GABRG1: variants seen among roughly 807,000 people sequenced by gnomAD.
The protein encoded by GABRG1 is gamma-aminobutyric acid receptor subunit gamma-1.
GABRG1 carries 49 observed loss-of-function variants against 49.8 expected under a neutral mutation model. That is an observed-to-expected ratio of 0.98 (90% CI 0.78 to 1.25). The LOEUF is 1.25. GABRG1 is among the 50% of genes most tolerant of loss of function. The pLI, the probability that GABRG1 is intolerant of heterozygous loss-of-function variation, is 0.00. For missense variants in GABRG1, 552 were observed against 552.3 expected, an observed-to-expected ratio of 1.00 and a Z score of 0.01; for synonymous variants, 232 against 185.1, an observed-to-expected ratio of 1.25 and a Z score of -2.06.
intron 5 of GABRG1, among the ~76,000 whole-genome samples, chr4:46,063,270 A>G (rs1481693204): frequency 1.3e-5 from 2 of 152,008 alleles, no homozygotes. Flanking sequence ...TTCAAACTAT[A>G]CTACAAGGCT....
chr4:46,051,703 T>C, intron 7 of GABRG1, 65 bp from the exon 8 acceptor site: 1 of 1,000,200 alleles, frequency 1.0e-6, no homozygotes, highest in Middle Eastern at 3.1e-4. Context: ...TTCCATCTGA[T>C]TTGGCAATAT....
chr4:46,045,820 C>T (rs1717973711), intron 8 of GABRG1, among the ~76,000 whole-genome samples: 1 of 151,968 alleles, frequency 6.6e-6, no homozygotes, highest in Non-Finnish European at 1.5e-5. Context: ...CCACCTTGGC[C>T]TCCCAAAGTG....
Position 46,111,470 on chromosome 4 carries a change from T to A in GABRG1, c.104+12340A>T, listed in dbSNP as rs12508986. ...TCCTATTAAGCTAACAAAAGAGTTT[T>A]CCATAGAACTAGGAAAAACTATTCT... On this transcript the variant is annotated intron_variant, in intron 1 of 8. Coordinates refer to ENST00000295452, the MANE Select transcript of GABRG1 (RefSeq NM_173536.4). Among the ~76,000 whole-genome samples, 726 of 151,306 alleles carry A rather than the reference T, an allele frequency of 4.8e-3. 2 individuals are homozygous for A. The highest frequency in any genetic ancestry group is 7.4e-3 in the Non-Finnish European group (500 of 67,502).
At chr4:46,118,185 C>T (rs1433949797) in intron 1 of GABRG1, among the ~76,000 whole-genome samples, 1 of 145,094 alleles carries the variant, frequency 6.9e-6, no homozygotes, top group Admixed American at 7.0e-5. Context: ...ATCCTCAACC[C>T]CCTAACAGAA....
chr4:46,114,137 A>G (rs1188265436), intron 1 of GABRG1, among the ~76,000 whole-genome samples: 1 of 151,024 alleles, frequency 6.6e-6, no homozygotes, highest in African/African-American at 2.4e-5. Context: ...GCTCTGAATA[A>G]TTTTTCACTG....
chr4:46,121,969 T>C (rs1244613640), intron 1 of GABRG1, among the ~76,000 whole-genome samples: 4 of 152,068 alleles, frequency 2.6e-5, no homozygotes, highest in Non-Finnish European at 4.4e-5. Context: ...GAAGCAACCA[T>C]TGACTTATTT....
intron 1 of GABRG1, among the ~76,000 whole-genome samples, chr4:46,118,186 C>A (rs1720989177): frequency 6.9e-6 from 1 of 144,924 alleles, no homozygotes; most frequent in South Asian, 2.1e-4. Context: ...TCCTCAACCC[C>A]CTAACAGAAC....
At chr4:46,123,141 CACAG>C (rs970280186) in intron 1 of GABRG1, among the ~76,000 whole-genome samples, 21 of 142,936 alleles carry the variant, frequency 1.5e-4, no homozygotes, top group East Asian at 6.2e-4. Flanking sequence ...CACACACACA[CACAG>C]AGCCAAGACA....
chr4:46,052,179 A>G (rs1718249781), intron 7 of GABRG1, among the ~76,000 whole-genome samples: 1 of 151,770 alleles, frequency 6.6e-6, no homozygotes, highest in Non-Finnish European at 1.5e-5. Context: ...GGAGAAAGCC[A>G]GAAGGAGACT....
intron 1 of GABRG1, among the ~76,000 whole-genome samples, chr4:46,104,883 T>G (rs952031635): frequency 4.0e-5 from 6 of 151,356 alleles, no homozygotes; most frequent in Non-Finnish European, 7.4e-5. Context: ...TAATGTGGGA[T>G]TTGTACAAAT....
At chr4:46,104,153 T>C (rs1339889799) in intron 1 of GABRG1, among the ~76,000 whole-genome samples, 1 of 151,440 alleles carries the variant, frequency 6.6e-6, no homozygotes, top group Non-Finnish European at 1.5e-5. Flanking sequence ...ACATGTGAAA[T>C]GATTATGATG....
chr4:46,082,620 G>C (rs904946889), intron 3 of GABRG1, among the ~76,000 whole-genome samples: 8 of 151,738 alleles, frequency 5.3e-5, no homozygotes. Context: ...TCCTAACAAA[G>C]CTAATCAACA....
In GABRG1 at chr4:46,041,147, G is replaced by T. The variant is rs1410872228; in HGVS notation, c.1239C>A (p.Ala413=). 1.9e-6 allele frequency: 3 copies of T among 1,613,106 alleles called. No homozygotes were observed. Among genetic ancestry groups the T allele is most frequent in the Non-Finnish European group, 2.5e-6 (3 of 1,179,392 alleles). ...GYQCLEGKDC[A]SFFCCFEDCR... ...AGTCTTCAAAGCAACAGAAGAAGCTGGCACAATCTTTGCCCTCCAAACACT... is the reference window on the plus strand; with the variant it reads ...AGTCTTCAAAGCAACAGAAGAAGCTTGCACAATCTTTGCCCTCCAAACACT... The change falls in exon 9 of 9, where the codon GCC becomes GCA. Residue 413 remains alanine, a synonymous_variant. Coordinates refer to ENST00000295452, the MANE Select transcript of GABRG1 (RefSeq NM_173536.4).
chr4:46,073,642 C>G (rs1719221912), intron 3 of GABRG1, among the ~76,000 whole-genome samples: 1 of 151,910 alleles, frequency 6.6e-6, no homozygotes, highest in Non-Finnish European at 1.5e-5. Context: ...AAAAGATCCC[C>G]TTTATTCATG....
intron 8 of GABRG1, among the ~76,000 whole-genome samples, chr4:46,048,110 G>C (rs1457563846): frequency 2.0e-5 from 3 of 151,864 alleles, no homozygotes. Flanking sequence ...CTCTTCAATT[G>C]GCAAAGGCTA....
intron 2 of GABRG1, among the ~76,000 whole-genome samples, chr4:46,093,241 T>C (rs1352808687): frequency 6.6e-6 from 1 of 152,024 alleles, no homozygotes; most frequent in Non-Finnish European, 1.5e-5. Flanking sequence ...GAAAATTTGG[T>C]ATATGTATAC....
rs1182116080 is a variant in GABRG1 at position 46,056,151 on chromosome 4, T to TAAAAAA, written c.916+2060_916+2065dup. On this transcript the variant is annotated intron_variant, in intron 7 of 8. Coordinates refer to ENST00000295452, the MANE Select transcript of GABRG1 (RefSeq NM_173536.4). ...AAAAAAAAAAAATAAATAAATAAAT[T>TAAAAAA]AAAAAAAAAAAAAAAAAAAAAAAAA... Among the ~76,000 whole-genome samples, 55 of 9,142 alleles carry TAAAAAA rather than the reference T, an allele frequency of 6.0e-3. 3 individuals are homozygous for TAAAAAA. Among genetic ancestry groups the TAAAAAA allele is most frequent in the Admixed American group, 7.7e-3 (5 of 652 alleles). The allele number at this position is 9,142 out of a possible 152,430, so 6.0% of individuals were successfully genotyped here.
chr4:46,058,034 A>T (rs953026640), intron 7 of GABRG1, among the ~76,000 whole-genome samples, 183 bp downstream of exon 7: 8 of 152,090 alleles, frequency 5.3e-5, no homozygotes, highest in African/African-American at 1.9e-4. Context: ...TTACAATTCC[A>T]TTTTCTACTT....
In GABRG1 at chr4:46,038,933, G is replaced by A. The variant is rs888097203; in HGVS notation, c.*2055C>T. The A allele has an allele frequency of 2.0e-5, 3 of 151,450 alleles. No homozygotes were observed. The highest frequency in any genetic ancestry group is 7.3e-5 in the African/African-American group (3 of 41,318). 9.4% of individuals were successfully genotyped at this position (151,450 alleles called of 1,614,324 possible). On this transcript the variant is annotated 3_prime_UTR_variant, in exon 9 of 9. Coordinates refer to ENST00000295452, the MANE Select transcript of GABRG1 (RefSeq NM_173536.4). ...CTATTTTTTTTCTTTTACATAGAAC[G>A]TGGTTCAGAAGGAAAAGCTATTTAT...
Sources: allele counts gnomAD v4.1 joint callset (sites outside exome capture counted in the v4.1 genomes callset), GRCh38; gene constraint gnomAD v4.1.1; transcripts MANE v1.5; gene names NCBI Gene and HGNC (gene_info 2026-07-23, HGNC 2026-07-21).